ZSCAN5A: variants seen among roughly 807,000 people sequenced by gnomAD.
ZSCAN5A encodes zinc finger and SCAN domain containing 5A, also known as zinc finger and SCAN domain-containing protein 5A.
A neutral mutation model predicts 23.7 loss-of-function variants in ZSCAN5A; 12 were observed. That is an observed-to-expected ratio of 0.51 (90% CI 0.32 to 0.82). The LOEUF is 0.82. ZSCAN5A is among the 40% of genes least tolerant of loss of function. ZSCAN5A has a pLI of 0.03. For missense variants in ZSCAN5A, 597 were observed against 617.9 expected (o/e 0.97, Z 0.36); for synonymous variants, 257 against 239.9 (o/e 1.07, Z -0.66).
intron 2 of ZSCAN5A, among the ~76,000 whole-genome samples, chr19:56,273,689 G>A (rs535612093): frequency 1.5e-4 from 23 of 152,276 alleles, no homozygotes; most frequent in Non-Finnish European, 2.2e-4. Context: ...TGTCAGGAAC[G>A]TGGTAGGCAG....
intron 2 of ZSCAN5A, chr19:56,247,399 T>C: frequency 5.3e-6 from 1 of 190,374 alleles, no homozygotes; most frequent in Non-Finnish European, 1.1e-5. Context: ...ACCCTATAAA[T>C]GTCCCAAGTG....
In ZSCAN5A at chr19:56,345,794, A is replaced by C. The variant is rs187319973; in HGVS notation, c.-358+17441T>G. On this transcript the variant is annotated intron_variant, in intron 2 of 6. Coordinates refer to the ZSCAN5A transcript ENST00000587340. ...TTTTTACAGTGCACTTAGAAAAAAA[A>C]TTTTGTAAACAATGACATTTCTAAC... 2.2e-3 allele frequency among the ~76,000 whole-genome samples: 339 copies of C among 152,326 alleles called. 2 individuals are homozygous for C. The highest frequency in any genetic ancestry group is 7.6e-3 in the African/African-American group (318 of 41,576).
At chr19:56,304,220 G>A (rs1464409784) in intron 2 of ZSCAN5A, among the ~76,000 whole-genome samples, 3 of 152,260 alleles carry the variant, frequency 2.0e-5, no homozygotes, top group Admixed American at 2.0e-4. Flanking sequence ...ATGGAGATGA[G>A]AGCCGTGCAG....
In ZSCAN5A at chr19:56,222,627, G is replaced by A; in HGVS notation, c.703C>T (p.Leu235=). The change falls in exon 5 of 6, where the codon CTG becomes TTG. Residue 235 remains leucine, a synonymous_variant. Transcript: ENST00000683990. ...GGAAGCTGAGGCTCTGGGGATGTCA[G>A]TCCTGGGTTCTCTTCCCTGTTTTCC... The part of the protein sequence containing the change: ...LKENREENPG[L]TSPEPQLPKS... 3 of 1,614,232 alleles carry A rather than the reference G, an allele frequency of 1.9e-6. No homozygotes were observed. Among genetic ancestry groups the A allele is most frequent in the Non-Finnish European group, 2.5e-6 (3 of 1,180,048 alleles).
intron 2 of ZSCAN5A, chr19:56,321,078 A>G: frequency 1.4e-6 from 1 of 700,570 alleles, no homozygotes; most frequent in Non-Finnish European, 2.7e-6. Flanking sequence ...TAGACTGAGT[A>G]TCTGCAGATT....
intron 2 of ZSCAN5A, among the ~76,000 whole-genome samples, chr19:56,226,415 T>C (rs532508798): frequency 4.0e-4 from 60 of 151,842 alleles, no homozygotes; most frequent in Admixed American, 2.6e-3. Flanking sequence ...TTAAGGCGCC[T>C]GTGTGGACAT....
At chr19:56,237,324 G>A (rs960281392) in intron 2 of ZSCAN5A, among the ~76,000 whole-genome samples, 1 of 152,110 alleles carries the variant, frequency 6.6e-6, no homozygotes, top group Admixed American at 6.5e-5. Context: ...TGTGCACATT[G>A]CTGAGGAGGA....
intron 2 of ZSCAN5A, among the ~76,000 whole-genome samples, chr19:56,355,458 A>AT (rs1182641730): frequency 1.3e-5 from 2 of 148,578 alleles, no homozygotes; most frequent in Admixed American, 6.7e-5. Context: ...GATCATGTCA[A>AT]TTTTTTTCCC....
chr19:56,322,102 A>G (rs1379351867), intron 2 of ZSCAN5A: 5 of 760,820 alleles, frequency 6.6e-6, no homozygotes, highest in Non-Finnish European at 1.2e-5. Context: ...AAGGATATCA[A>G]ATTCAGATAT....
chr19:56,321,301 G>A (rs1176838599), intron 2 of ZSCAN5A: 16 of 656,668 alleles, frequency 2.4e-5, no homozygotes, highest in Admixed American at 6.5e-5. Flanking sequence ...AAAATAACTC[G>A]CCCATCACTG....
At chr19:56,290,994 T>C (rs1397600814) in intron 2 of ZSCAN5A, among the ~76,000 whole-genome samples, 1 of 152,130 alleles carries the variant, frequency 6.6e-6, no homozygotes, top group African/African-American at 2.4e-5. Flanking sequence ...TGCTCCCCTC[T>C]CTGAAGGGGT....
intron 2 of ZSCAN5A, among the ~76,000 whole-genome samples, chr19:56,302,585 TTTC>T (rs1376027034): frequency 2.1e-4 from 9 of 43,774 alleles, no homozygotes; most frequent in African/African-American, 1.4e-3. Flanking sequence ...TCCTCCCCCT[TTTC>T]TTCCTCTCCC....
chr19:56,249,789 C>T (rs1418050606), intron 2 of ZSCAN5A, among the ~76,000 whole-genome samples: 1 of 152,166 alleles, frequency 6.6e-6, no homozygotes, highest in Non-Finnish European at 1.5e-5. Context: ...ATCCAAGGCG[C>T]CACATTGCCT....
Position 56,221,385 on chromosome 19 carries a change from A to T in ZSCAN5A, c.*190T>A, listed in dbSNP as rs113647041. 215 of 580,274 alleles carry T rather than the reference A, an allele frequency of 3.7e-4. 1 individual carries two copies. Among genetic ancestry groups the T allele is most frequent in the African/African-American group, 3.4e-3 (183 of 54,118 alleles). 35.9% of individuals were successfully genotyped at this position (580,274 alleles called of 1,614,324 possible). On this transcript the variant is annotated 3_prime_UTR_variant, in exon 6 of 6. Transcript: ENST00000683990. ...AAATAAACCTATAAGAAAACAATGG[A>T]CATAATGAAACAGAAAACAAAGCTC...
intron 2 of ZSCAN5A, among the ~76,000 whole-genome samples, chr19:56,324,523 G>A (rs919430098): frequency 4.0e-5 from 6 of 151,728 alleles, no homozygotes; most frequent in Non-Finnish European, 8.8e-5. Flanking sequence ...GGGAACCCTC[G>A]TACAATGTTG....
chr19:56,270,685 T>A (rs2037781787), intron 2 of ZSCAN5A, among the ~76,000 whole-genome samples: 1 of 151,346 alleles, frequency 6.6e-6, no homozygotes, highest in Admixed American at 6.6e-5. Context: ...AAATAAGTTA[T>A]AATAAAAATA....
intron 2 of ZSCAN5A, among the ~76,000 whole-genome samples, chr19:56,327,692 C>T (rs2041447906): frequency 6.6e-6 from 1 of 151,258 alleles, no homozygotes; most frequent in South Asian, 2.1e-4. Context: ...GTATTCTATA[C>T]AAATACTATA....
At position 56,227,890 on chromosome 19, in the gene ZSCAN5A, C is replaced by CA. The variant is rs112049651; in HGVS notation, c.-127-2718dup. Among the ~76,000 whole-genome samples, 873 of 147,634 alleles carry CA rather than the reference C, an allele frequency of 5.9e-3. 7 individuals are homozygous for CA. Among genetic ancestry groups the CA allele is most frequent in the African/African-American group, 0.017 (681 of 40,310 alleles). ...GCAATATACCGAGACCCCATCTCTG[C>CA]AAAAAAAAAATTAAAAATTTATCCA... On this transcript the variant is annotated intron_variant, in intron 2 of 5. Transcript: ENST00000683990.
intron 2 of ZSCAN5A, among the ~76,000 whole-genome samples, chr19:56,334,610 C>A (rs2041518312): frequency 6.6e-6 from 1 of 152,038 alleles, no homozygotes; most frequent in African/African-American, 2.4e-5. Flanking sequence ...GTTACAAACA[C>A]AAATATAGAG....
Sources: allele counts gnomAD v4.1 joint callset (sites outside exome capture counted in the v4.1 genomes callset), GRCh38; gene constraint gnomAD v4.1.1; transcripts MANE v1.5; gene names NCBI Gene and HGNC (gene_info 2026-07-23, HGNC 2026-07-21).